DLG2: variants seen among roughly 807,000 people sequenced by gnomAD.
DLG2 encodes discs large MAGUK scaffold protein 2, also known as disks large homolog 2.
DLG2 carries 45 observed loss-of-function variants against 132.5 expected under a neutral mutation model. The ratio of observed to expected loss-of-function variants is 0.34; its 90% CI spans 0.27 to 0.44. The LOEUF is 0.44. Among genes scored for constraint, DLG2 ranks in the 20% least tolerant of loss-of-function variants. DLG2 has a pLI of 1.00. For synonymous variants in DLG2, 424 were observed against 419.6 expected (o/e 1.01, Z -0.13); for missense variants, 1,045 against 1,196.9 (o/e 0.87, Z 1.87).
At chr11:83,835,460 A>G (rs2055875164) in intron 16 of DLG2, among the ~76,000 whole-genome samples, 2 of 152,168 alleles carry the variant, frequency 1.3e-5, no homozygotes, top group African/African-American at 4.8e-5. Context: ...GAAACTAGTC[A>G]TGTCGCTATA....
chr11:85,346,489 A>G (rs2082860286), intron 3 of DLG2, among the ~76,000 whole-genome samples: 1 of 152,076 alleles, frequency 6.6e-6, no homozygotes, highest in South Asian at 2.1e-4. Flanking sequence ...CGCCTGGCCA[A>G]TTTTCTTAAT....
chr11:84,474,636 A>G (rs1401039226), intron 7 of DLG2, among the ~76,000 whole-genome samples: 2 of 152,100 alleles, frequency 1.3e-5, no homozygotes, highest in Non-Finnish European at 2.9e-5. Flanking sequence ...AAATTAACAC[A>G]GCCAATTGGT....
intron 6 of DLG2, among the ~76,000 whole-genome samples, chr11:84,876,078 T>C: frequency 6.6e-6 from 1 of 152,132 alleles, no homozygotes; most frequent in East Asian, 1.9e-4. Flanking sequence ...ACTGTTATTA[T>C]TCTCCTTGAC....
intron 11 of DLG2, among the ~76,000 whole-genome samples, chr11:84,057,813 A>G (rs2096529003): frequency 6.6e-6 from 1 of 152,124 alleles, no homozygotes; most frequent in Non-Finnish European, 1.5e-5. Context: ...CACTTTGTAG[A>G]TGAGAAAATA....
chr11:85,272,712 A>T (rs2077615571), intron 4 of DLG2, among the ~76,000 whole-genome samples: 1 of 152,208 alleles, frequency 6.6e-6, no homozygotes, highest in African/African-American at 2.4e-5. Flanking sequence ...TGCCATCCCC[A>T]TCAAGCTACC....
chr11:84,483,452 T>TAAAAA (rs2099143120), intron 7 of DLG2, among the ~76,000 whole-genome samples: 2 of 8,562 alleles, frequency 2.3e-4, no homozygotes, highest in African/African-American at 4.6e-4. Flanking sequence ...AAAAAAAAAT[T>TAAAAA]AAACCCTGCT....
chr11:84,453,298 T>C (rs1015194580), intron 7 of DLG2, among the ~76,000 whole-genome samples: 1 of 151,672 alleles, frequency 6.6e-6, no homozygotes, highest in Non-Finnish European at 1.5e-5. Context: ...CAATTATCTA[T>C]TTAATACATG....
chr11:84,268,176 T>C (rs550146016), intron 7 of DLG2, among the ~76,000 whole-genome samples: 1 of 152,294 alleles, frequency 6.6e-6, no homozygotes, highest in Non-Finnish European at 1.5e-5. Flanking sequence ...ACCCCTGTTT[T>C]AAAACTGTCT....
At chr11:85,267,904 G>GTA (rs1053703188) in intron 4 of DLG2, among the ~76,000 whole-genome samples, 4 of 151,942 alleles carry the variant, frequency 2.6e-5, no homozygotes, top group African/African-American at 9.7e-5. Context: ...GTGTGTGTGT[G>GTA]TGTACGTATG....
At chr11:85,374,558 A>G (rs941549882) in intron 3 of DLG2, among the ~76,000 whole-genome samples, 2 of 152,184 alleles carry the variant, frequency 1.3e-5, no homozygotes, top group Middle Eastern at 3.2e-3. Context: ...ATGGTTGGCC[A>G]GGCTGGTCTC....
intron 3 of DLG2, among the ~76,000 whole-genome samples, chr11:85,376,609 T>G (rs1030384217): frequency 1.3e-5 from 2 of 152,200 alleles, no homozygotes; most frequent in Non-Finnish European, 2.9e-5. Context: ...TGGTTGTCCT[T>G]TGTAAACCAT....
chr11:83,928,857 C>G (rs1233962510), intron 15 of DLG2, among the ~76,000 whole-genome samples: 2 of 152,122 alleles, frequency 1.3e-5, no homozygotes, highest in East Asian at 3.9e-4. Flanking sequence ...GTTAGCTACC[C>G]TTATGTAGCT....
At chr11:85,526,959 T>G (rs530646580) in intron 3 of DLG2, among the ~76,000 whole-genome samples, 1 of 152,256 alleles carries the variant, frequency 6.6e-6, no homozygotes, top group Non-Finnish European at 1.5e-5. Flanking sequence ...ATGAAAAAAT[T>G]TAAGGCTCAC....
chr11:84,982,680 A>C (rs1405350241), intron 6 of DLG2, among the ~76,000 whole-genome samples: 1 of 152,130 alleles, frequency 6.6e-6, no homozygotes, highest in Admixed American at 6.6e-5. Context: ...AAAAATCCTT[A>C]AACAAAATAT....
At chr11:84,915,569 T>G (rs1385835128) in intron 6 of DLG2, among the ~76,000 whole-genome samples, 1 of 152,222 alleles carries the variant, frequency 6.6e-6, no homozygotes, top group African/African-American at 2.4e-5. Flanking sequence ...ACTTGTCTTA[T>G]GAATGGTTTA....
intron 4 of DLG2, among the ~76,000 whole-genome samples, chr11:85,180,955 C>T (rs888130707): frequency 6.6e-6 from 1 of 151,666 alleles, no homozygotes; most frequent in Non-Finnish European, 1.5e-5. Context: ...ATTCCAAAAT[C>T]CATTCTGTTT....
At chr11:83,782,663 G>A (rs373248592) in intron 18 of DLG2, among the ~76,000 whole-genome samples, 4 of 152,184 alleles carry the variant, frequency 2.6e-5, no homozygotes, top group African/African-American at 9.7e-5. Context: ...AGGAACAAGT[G>A]TAAGAGCAGA....
chr11:84,188,186 T>C (rs1343954264), intron 8 of DLG2, among the ~76,000 whole-genome samples: 2 of 152,138 alleles, frequency 1.3e-5, no homozygotes, highest in South Asian at 2.1e-4. Flanking sequence ...CTTCAAAATA[T>C]AGTTATACGC....
intron 10 of DLG2, among the ~76,000 whole-genome samples, chr11:84,084,717 C>A: frequency 6.6e-6 from 1 of 151,824 alleles, no homozygotes; most frequent in African/African-American, 2.4e-5. Context: ...TGTTAACTTA[C>A]CTTTTTTGTT....
Sources: gnomAD v4.1 joint callset for allele counts (sites outside exome capture counted in the v4.1 genomes callset) on GRCh38, gnomAD v4.1.1 for gene constraint, MANE v1.5 for transcripts, NCBI Gene and HGNC (gene_info 2026-07-23, HGNC 2026-07-21) for gene names.